The following FAM216A variants were observed in gnomAD, a reference collection of about 807,000 sequenced individuals.
The protein encoded by FAM216A is family with sequence similarity 216 member A, also known as protein FAM216A.
Under a neutral mutation model 37.6 loss-of-function variants are expected in FAM216A, and 26 were observed. That is an observed-to-expected ratio of 0.69 (90% CI 0.51 to 0.96). The LOEUF (loss-of-function observed/expected upper bound fraction) is 0.96. FAM216A is among the 40% of genes least tolerant of loss of function. The pLI, the probability that FAM216A is intolerant of heterozygous loss-of-function variation, is 0.00. For synonymous variants in FAM216A, 110 were observed against 121.7 expected (o/e 0.90, Z 0.64); for missense variants, 326 against 339.3 (o/e 0.96, Z 0.31).
chr12:110,489,662 G>C (rs370451792), intron 6 of FAM216A, among the ~76,000 whole-genome samples: 4 of 152,266 alleles, frequency 2.6e-5, no homozygotes, highest in South Asian at 2.1e-4. Context: ...AAACTGTAGG[G>C]GGGGGAGTCC....
At chr12:110,478,006 C>T (rs1167503227) in intron 2 of FAM216A, among the ~76,000 whole-genome samples, 1 of 152,196 alleles carries the variant, frequency 6.6e-6, no homozygotes. Context: ...CGTGCCCAGC[C>T]ATATGGACTT....
At chr12:110,472,047 C>G (rs2062689725) in intron 1 of FAM216A, among the ~76,000 whole-genome samples, 1 of 151,780 alleles carries the variant, frequency 6.6e-6, no homozygotes, top group African/African-American at 2.4e-5. Context: ...GCCTGGCCAA[C>G]ATGGCGAAAC....
In FAM216A at chr12:110,486,726, C is replaced by T. The variant is rs371804657; in HGVS notation, c.620+9C>T. On this transcript the variant is annotated intron_variant, in intron 5 of 6. Coordinates refer to ENST00000377673, the MANE Select transcript of FAM216A (RefSeq NM_013300.3). ...GTGAGAAACAAAGAAGGGTCTGTTT[C>T]TTAGTGTAAAAGGGGGGAAATGCAT... is the stretch of plus-strand genomic sequence containing the variant. 8.1e-6 allele frequency: 13 copies of T among 1,605,204 alleles called. No homozygotes were observed. The highest frequency in any genetic ancestry group is 1.3e-5 in the African/African-American group (1 of 74,324).
Position 110,478,040 on chromosome 12 carries a change from A to C in FAM216A, c.184+4922A>C, listed in dbSNP as rs187350028. 1.2e-3 allele frequency among the ~76,000 whole-genome samples: 185 copies of C among 152,202 alleles called. 3 individuals carry two copies. The highest frequency in any genetic ancestry group is 9.2e-4 in the Admixed American group (14 of 15,264). ...TTTTTCTAATTCCATCATTGATTCTACATTTTTCAGATGGCTTTCTAATGA... is the reference window on the plus strand; with the variant it reads ...TTTTTCTAATTCCATCATTGATTCTCCATTTTTCAGATGGCTTTCTAATGA... On this transcript the variant is annotated intron_variant, in intron 2 of 6. Transcript: ENST00000377673.
rs369431978 is a variant in FAM216A, at chr12:110,487,855, T to C, written c.621-6T>C. ...GCTCCAACTAAGATACTTCCCTTTCTTATAGGATAAAAACTGGATATGCAT... is the reference window on the plus strand; with the variant it reads ...GCTCCAACTAAGATACTTCCCTTTCCTATAGGATAAAAACTGGATATGCAT... On this transcript the variant is annotated splice_polypyrimidine_tract_variant and splice_region_variant and intron_variant, in intron 5 of 6. Transcript: ENST00000377673. 1 of 1,559,532 alleles carries C rather than the reference T, an allele frequency of 6.4e-7. No homozygotes were observed. Among genetic ancestry groups the C allele is most frequent in the Non-Finnish European group, 8.8e-7 (1 of 1,134,106 alleles).
chr12:110,475,326 C>G (rs1005816205), intron 2 of FAM216A, among the ~76,000 whole-genome samples: 1 of 152,162 alleles, frequency 6.6e-6, no homozygotes, highest in Non-Finnish European at 1.5e-5. Flanking sequence ...ATTGCAACCT[C>G]GGTCTCCCAG....
intron 2 of FAM216A, among the ~76,000 whole-genome samples, chr12:110,475,037 T>A (rs2062707461): frequency 6.6e-6 from 1 of 152,092 alleles, no homozygotes; most frequent in Non-Finnish European, 1.5e-5. Flanking sequence ...GATTGTGGAA[T>A]TAAAAGTTTT....
intron 6 of FAM216A, among the ~76,000 whole-genome samples, chr12:110,489,661 G>A (rs137939976): frequency 2.8e-4 from 43 of 152,106 alleles, no homozygotes; most frequent in African/African-American, 6.0e-4. Context: ...GAAACTGTAG[G>A]GGGGGGAGTC....
At chr12:110,486,501 A>G (rs1272076319) in intron 4 of FAM216A, 33 bp from the exon 5 acceptor site, 1 of 1,608,224 alleles carries the variant, frequency 6.2e-7, no homozygotes, top group South Asian at 1.1e-5. Flanking sequence ...ACAATTAGTG[A>G]GAGGGTCTTT....
intron 2 of FAM216A, among the ~76,000 whole-genome samples, chr12:110,476,675 A>C (rs1229236735): frequency 1.3e-5 from 2 of 151,810 alleles, no homozygotes; most frequent in Non-Finnish European, 2.9e-5. Flanking sequence ...TTATAGGCAC[A>C]TGCCACCATG....
intron 2 of FAM216A, among the ~76,000 whole-genome samples, chr12:110,481,852 A>C (rs1454786697): frequency 2.0e-5 from 3 of 152,172 alleles, no homozygotes; most frequent in African/African-American, 7.2e-5. Context: ...ACTTTTAAAA[A>C]TCTTAAATTG....
upstream of FAM216A, chr12:110,468,730 A>T: frequency 4.7e-6 from 7 of 1,496,942 alleles, no homozygotes; most frequent in Non-Finnish European, 6.2e-6. Flanking sequence ...CCCCCACCGT[A>T]ACTCCGGGGT....
At chr12:110,487,714 G>T (rs370659201) in intron 5 of FAM216A, 147 bp from the exon 6 acceptor site, 42 of 650,442 alleles carry the variant, frequency 6.5e-5, no homozygotes, top group South Asian at 6.4e-4. Context: ...ACATGTCAGG[G>T]TTAAGAAATT....
In FAM216A at chr12:110,468,968, C is replaced by T. The variant is rs1286627932; in HGVS notation, c.93C>T (p.Ser31=). The change falls in exon 1 of 7, where the codon AGC becomes AGT. Residue 31 remains serine, a synonymous_variant. Coordinates refer to ENST00000377673, the MANE Select transcript of FAM216A (RefSeq NM_013300.3). The part of the protein sequence containing the change: ...QGPGSDWTER[S]SSAEPPAVAG... ...CGGGGTCCGACTGGACGGAGCGTAG[C>T]TCTTCTGCAGAGCCGCCCGCTGTGG... 15 of 1,520,014 alleles carry T rather than the reference C, an allele frequency of 9.9e-6. No homozygotes were observed. The highest frequency in any genetic ancestry group is 1.4e-5 in the African/African-American group (1 of 72,452). 94.2% of individuals were successfully genotyped at this position (1,520,014 alleles called of 1,614,324 possible).
intron 2 of FAM216A, among the ~76,000 whole-genome samples, chr12:110,480,022 T>G (rs1212720856): frequency 6.8e-6 from 1 of 146,592 alleles, no homozygotes; most frequent in Admixed American, 6.7e-5. Flanking sequence ...ATTTACTATT[T>G]TAATCTTTTT....
chr12:110,473,300 C>T (rs1388598707), intron 2 of FAM216A, among the ~76,000 whole-genome samples, 182 bp downstream of exon 2: 1 of 152,022 alleles, frequency 6.6e-6, no homozygotes, highest in Non-Finnish European at 1.5e-5. Context: ...CAACCTCTGC[C>T]TCCTGGGTTC....
chr12:110,468,559 T>C, upstream of FAM216A: 1 of 1,537,290 alleles, frequency 6.5e-7, no homozygotes, highest in Non-Finnish European at 8.7e-7. Flanking sequence ...TTGACCTGTA[T>C]GGTGACCCTC....
intron 5 of FAM216A, chr12:110,487,517 A>C (rs185571026): frequency 2.4e-5 from 5 of 205,486 alleles, no homozygotes; most frequent in Admixed American, 2.4e-4. Context: ...GAATTATAAA[A>C]ATTTCTTTAT....
In FAM216A at chr12:110,490,337, T is replaced by C; in HGVS notation, c.*200T>C. 1.8e-6 allele frequency: 1 copy of C among 547,520 alleles called. No homozygotes were observed. The highest frequency in any genetic ancestry group is 2.2e-5 in the South Asian group (1 of 45,846). 33.9% of individuals were successfully genotyped at this position (547,520 alleles called of 1,614,324 possible). A position where few individuals can be genotyped will look rare whatever the true frequency, so the allele number is the denominator to read the frequency against. On this transcript the variant is annotated 3_prime_UTR_variant, in exon 7 of 7. Transcript: ENST00000377673. ...TATGTAAGAAAATTTACATGTAACA[T>C]ATACTTGTACTTCTAGCTAGATACA...
Sources: gnomAD v4.1 joint callset for allele counts (sites outside exome capture counted in the v4.1 genomes callset) on GRCh38, gnomAD v4.1.1 for gene constraint, MANE v1.5 for transcripts, NCBI Gene and HGNC (gene_info 2026-07-23, HGNC 2026-07-21) for gene names.